Variants in TSTD2 observed in about 807,000 individuals in gnomAD.
TSTD2 encodes thiosulfate sulfurtransferase like domain containing 2.
In TSTD2, 37 loss-of-function variants were observed where a neutral mutation model predicts 47.9. The observed-to-expected ratio is 0.77, with a 90% CI of 0.59 to 1.02. The LOEUF is 1.02. TSTD2 is among the 50% of genes least tolerant of loss of function. The pLI, the probability that TSTD2 is intolerant of heterozygous loss-of-function variation, is 0.00. For synonymous variants in TSTD2, 201 were observed against 215.9 expected, an observed-to-expected ratio of 0.93 and a Z score of 0.61; for missense variants, 586 against 616.0, an observed-to-expected ratio of 0.95 and a Z score of 0.52.
intron 3 of TSTD2, 75 bp from the exon 4 acceptor site, chr9:97,617,952 C>G: frequency 6.5e-7 from 1 of 1,544,946 alleles, no homozygotes; most frequent in Admixed American, 1.9e-5. Flanking sequence ...AAAATACACC[C>G]AGGCAGTCTG....
At chr9:97,631,021 C>T (rs1191148825) in intron 1 of TSTD2, among the ~76,000 whole-genome samples, 1 of 152,202 alleles carries the variant, frequency 6.6e-6, no homozygotes, top group East Asian at 1.9e-4. Flanking sequence ...TCTTCCTTAT[C>T]TGAGTAAAAG....
At chr9:97,602,910 G>C (rs767085614) in intron 9 of TSTD2, 143 bp from the exon 10 acceptor site, 133 of 802,562 alleles carry the variant, frequency 1.7e-4, no homozygotes, top group Non-Finnish European at 2.4e-4. Flanking sequence ...CTGTCTTCTA[G>C]CAACAACAAC....
At position 97,606,361 on chromosome 9, in the gene TSTD2, C is replaced by A. The variant is rs1826365695; in HGVS notation, c.836-100G>T. ...GACTTACGTGTTGCTTTGTTTCTTT[C>A]CACCCAAATCTCTTCTCTTCATAAT... is the stretch of plus-strand genomic sequence containing the variant. On this transcript the variant is annotated intron_variant, in intron 6 of 9. Coordinates refer to ENST00000341170, the MANE Select transcript of TSTD2 (RefSeq NM_139246.5). 1.7e-5 allele frequency: 11 copies of A among 659,940 alleles called. No homozygotes were observed. The South Asian group carries it at 2.1e-4, about 13-fold the overall frequency. The allele number at this position is 659,940 out of a possible 1,614,324, so 40.9% of individuals were successfully genotyped here.
At chr9:97,604,621 T>C (rs1220193412) in intron 9 of TSTD2, 106 bp downstream of exon 9, 3 of 1,480,296 alleles carry the variant, frequency 2.0e-6, no homozygotes, top group Non-Finnish European at 2.8e-6. Flanking sequence ...GCTTATTCAG[T>C]GCTCAGTAAT....
At position 97,601,922 on chromosome 9, in the gene TSTD2, C is replaced by A; in HGVS notation, c.*547G>T. Reference sequence around the variant, plus strand: ...AGTATGCATTGGGTTTTTGTATACTCAGGCGTTCTGGAACTATCCTCCATG... The same window carrying A: ...AGTATGCATTGGGTTTTTGTATACTAAGGCGTTCTGGAACTATCCTCCATG... On this transcript the variant is annotated 3_prime_UTR_variant, in exon 10 of 10. Coordinates refer to ENST00000341170, the MANE Select transcript of TSTD2 (RefSeq NM_139246.5). The A allele has an allele frequency of 6.5e-6, 1 of 152,710 alleles. No homozygotes were observed. The highest frequency in any genetic ancestry group is 2.1e-4 in the South Asian group (1 of 4,830). The allele number at this position is 152,710 out of a possible 1,614,324, so 9.5% of individuals were successfully genotyped here.
At chr9:97,615,363 G>C (rs1041465485) in intron 4 of TSTD2, among the ~76,000 whole-genome samples, 1 of 152,224 alleles carries the variant, frequency 6.6e-6, no homozygotes, top group Admixed American at 6.5e-5. Flanking sequence ...AAAGCTCAGA[G>C]AAATCAAGTA....
In TSTD2 at chr9:97,601,500, A is replaced by C; in HGVS notation, c.*969T>G. On this transcript the variant is annotated 3_prime_UTR_variant, in exon 10 of 10. Coordinates refer to ENST00000341170, the MANE Select transcript of TSTD2 (RefSeq NM_139246.5). ...GCAGAGCTATCAGAGGAAATCTCTC[A>C]TAGAAACGAAACCAAACCAACAGAA... The C allele has an allele frequency of 8.1e-6, 8 of 989,848 alleles. No individual in the cohort carries two copies. Among genetic ancestry groups the C allele is most frequent in the Non-Finnish European group, 9.6e-6 (8 of 832,598 alleles). The allele number at this position is 989,848 out of a possible 1,614,324, so 61.3% of individuals were successfully genotyped here.
chr9:97,626,012 C>G lies in TSTD2; in HGVS notation c.166-15G>C, dbSNP rs979611290. The stretch of plus-strand genomic sequence containing the variant: ...AGGGCAAAGGCCTGCAATTAGATTT[C>G]AAATGCTAACACTGTTAAATAACCT... On this transcript the variant is annotated splice_polypyrimidine_tract_variant and intron_variant, in intron 2 of 9. Coordinates refer to ENST00000341170, the MANE Select transcript of TSTD2 (RefSeq NM_139246.5). The G allele has an allele frequency of 6.3e-7, 1 of 1,597,756 alleles. No individual in the cohort carries two copies. The highest frequency in any genetic ancestry group is 1.4e-5 in the African/African-American group (1 of 73,930).
intron 4 of TSTD2, among the ~76,000 whole-genome samples, chr9:97,616,762 C>T (rs772472850): frequency 4.6e-5 from 7 of 152,082 alleles, no homozygotes; most frequent in Admixed American, 6.6e-5. Flanking sequence ...CACTTCCTTT[C>T]GATTTAAATT....
rs1342671920 is a variant in TSTD2 at position 97,600,606 on chromosome 9, T to C, written c.*1863A>G. 1.0e-5 allele frequency: 10 copies of C among 986,656 alleles called. No homozygotes were observed. In the African/African-American group the frequency reaches 1.7e-4, roughly 17 times the overall value. 61.1% of individuals were successfully genotyped at this position (986,656 alleles called of 1,614,324 possible). A position where few individuals can be genotyped will look rare whatever the true frequency, so the allele number is the denominator to read the frequency against. On this transcript the variant is annotated 3_prime_UTR_variant, in exon 10 of 10. Coordinates refer to ENST00000341170, the MANE Select transcript of TSTD2 (RefSeq NM_139246.5). ...TTCCAGATCAACATGGCTATGGTAT[T>C]TAGTAATGGCCCAGCTTAGAGACTT...
At chr9:97,623,820 G>A (rs1049905522) in intron 3 of TSTD2, among the ~76,000 whole-genome samples, 9 of 151,810 alleles carry the variant, frequency 5.9e-5, no homozygotes, top group Non-Finnish European at 1.5e-5. Flanking sequence ...TCACACCACT[G>A]CACTCTAGCC....
rs138657324 is a variant in TSTD2, at chr9:97,618,903, A to G, written c.483-1026T>C. ...CCTATTTTCCTTTCTCTAAGCTCCTATAACAAGTTAGTCTCTGTAACATAC... is the reference window on the plus strand; with the variant it reads ...CCTATTTTCCTTTCTCTAAGCTCCTGTAACAAGTTAGTCTCTGTAACATAC... On this transcript the variant is annotated intron_variant, in intron 3 of 9. Coordinates refer to ENST00000341170, the MANE Select transcript of TSTD2 (RefSeq NM_139246.5). Among the ~76,000 whole-genome samples, 5 of 152,318 alleles carry G rather than the reference A, an allele frequency of 3.3e-5. No individual in the cohort carries two copies. The East Asian group carries it at 7.7e-4, about 24-fold the overall frequency.
chr9:97,622,443 C>G (rs1196490438), intron 3 of TSTD2, among the ~76,000 whole-genome samples: 1 of 152,242 alleles, frequency 6.6e-6, no homozygotes, highest in East Asian at 1.9e-4. Flanking sequence ...TCATGGAGAA[C>G]CTCTGCTAGG....
chr9:97,611,564 T>G lies in TSTD2; in HGVS notation c.729+10A>C, dbSNP rs756198593. The G allele has an allele frequency of 1.3e-6, 2 of 1,579,774 alleles. No homozygotes were observed. The highest frequency in any genetic ancestry group is 1.7e-6 in the Non-Finnish European group (2 of 1,152,268). ...GGCTCTAGATCCATTTAATTTTCAT[T>G]TTCTCTTACCTTAAAATCATCTTTA... On this transcript the variant is annotated intron_variant, in intron 5 of 9. Transcript: ENST00000341170.
intron 9 of TSTD2, 44 bp downstream of exon 9, chr9:97,604,683 A>G (rs777310310): frequency 5.6e-6 from 9 of 1,611,750 alleles, no homozygotes; most frequent in East Asian, 4.5e-5. Context: ...TGAACTGACA[A>G]TGTGCTTCAT....
chr9:97,619,716 A>C lies in TSTD2; in HGVS notation c.483-1839T>G, dbSNP rs571791231. Among the ~76,000 whole-genome samples the C allele has an allele frequency of 2.0e-5, 3 of 148,268 alleles. No individual in the cohort carries two copies. In the East Asian group the frequency reaches 5.8e-4, roughly 29 times the overall value. ...ACAATATATAATATACATAACATAG[A>C]AAGATGTGTTCATTGACTGTTTACA... On this transcript the variant is annotated intron_variant, in intron 3 of 9. Coordinates refer to ENST00000341170, the MANE Select transcript of TSTD2 (RefSeq NM_139246.5).
chr9:97,605,803 A>C (rs1826356021), intron 7 of TSTD2, among the ~76,000 whole-genome samples, 162 bp from the exon 8 acceptor site: 1 of 152,130 alleles, frequency 6.6e-6, no homozygotes, highest in Non-Finnish European at 1.5e-5. Context: ...TCAACTTAAA[A>C]CCGAGGCTGT....
intron 1 of TSTD2, among the ~76,000 whole-genome samples, chr9:97,632,777 T>C (rs1329799707): frequency 2.6e-5 from 4 of 152,132 alleles, no homozygotes; most frequent in East Asian, 1.9e-4. Flanking sequence ...ATAATTGTTA[T>C]GTAAAAAGAG....
intron 3 of TSTD2, among the ~76,000 whole-genome samples, chr9:97,624,703 C>T (rs978518359): frequency 6.7e-6 from 1 of 149,204 alleles, no homozygotes; most frequent in Non-Finnish European, 1.5e-5. Context: ...TTTAATTATG[C>T]AATTAAAGAA....
Sources: gnomAD v4.1 joint callset for allele counts (sites outside exome capture counted in the v4.1 genomes callset) on GRCh38, gnomAD v4.1.1 for gene constraint, MANE v1.5 for transcripts, NCBI Gene and HGNC (gene_info 2026-07-23, HGNC 2026-07-21) for gene names.